The following GLRA2 variants were observed in gnomAD, a reference collection of about 807,000 sequenced individuals.
GLRA2 encodes the protein glycine receptor alpha 2, also known as glycine receptor subunit alpha-2.
Under a neutral mutation model 31.6 loss-of-function variants are expected in GLRA2, and 11 were observed. The ratio of observed to expected loss-of-function variants is 0.35; its 90% CI spans 0.22 to 0.58. The LOEUF (loss-of-function observed/expected upper bound fraction) is 0.58. Ranked by LOEUF, GLRA2 falls within the 20% of genes least tolerant of loss-of-function variation. The pLI is 0.84. For synonymous variants in GLRA2, 132 were observed against 134.0 expected (o/e 0.99, Z 0.10); for missense variants, 212 against 351.8 (o/e 0.60, Z 3.18).
chrX:14,457,049 A>G, the GLRA2 span, among the ~76,000 whole-genome samples: 8 of 111,654 alleles, frequency 7.2e-5, no homozygotes, highest in African/African-American at 9.8e-5. Context: ...GATATTAGCC[A>G]TCCTAACTGG....
chrX:14,550,719 T>TA (rs910182218), intron 2 of GLRA2, among the ~76,000 whole-genome samples: 4 of 111,785 alleles, frequency 3.6e-5, no homozygotes, highest in African/African-American at 9.7e-5. Context: ...CAGACTTTTC[T>TA]AAAAAAAATT....
intron 8 of GLRA2, among the ~76,000 whole-genome samples, chrX:14,706,159 T>G (rs2091618100): frequency 1.1e-5 from 1 of 89,349 alleles, no homozygotes; most frequent in Non-Finnish European, 2.4e-5. Flanking sequence ...AAGCCAAGTT[T>G]GAGAACCTTG....
intron 8 of GLRA2, among the ~76,000 whole-genome samples, chrX:14,708,609 T>A (rs936205390): frequency 9.0e-6 from 1 of 111,584 alleles, no homozygotes; most frequent in Non-Finnish European, 1.9e-5. Context: ...GGACACAACA[T>A]CTGCCCAATT....
At chrX:14,571,293 A>C (rs1260428795) in intron 2 of GLRA2, among the ~76,000 whole-genome samples, 1 of 112,070 alleles carries the variant, frequency 8.9e-6, no homozygotes, top group Non-Finnish European at 1.9e-5. Context: ...CACATCTAAG[A>C]ACATGTCCCT....
chrX:14,511,795 A>T, the GLRA2 span, among the ~76,000 whole-genome samples: 27 of 111,737 alleles, frequency 2.4e-4, no homozygotes, highest in African/African-American at 8.1e-4. Flanking sequence ...GGAGTCTTTG[A>T]AGTTTATATA....
intron 2 of GLRA2, among the ~76,000 whole-genome samples, chrX:14,561,335 T>A (rs896646332): frequency 7.1e-5 from 8 of 112,644 alleles, no homozygotes; most frequent in Non-Finnish European, 1.3e-4. Context: ...ATGGAATTTA[T>A]AATAATTCCT....
chrX:14,723,376 C>T (rs972043556), intron 8 of GLRA2, among the ~76,000 whole-genome samples: 2 of 112,075 alleles, frequency 1.8e-5, no homozygotes, highest in African/African-American at 6.5e-5. Flanking sequence ...TATACCACCA[C>T]CCATTAAATC....
At chrX:14,471,077 A>C in the GLRA2 span, among the ~76,000 whole-genome samples, 2 of 111,658 alleles carry the variant, frequency 1.8e-5, no homozygotes, top group African/African-American at 6.5e-5. Context: ...GACCCCCCCA[A>C]ATGGCTTAAG....
upstream of GLRA2, among the ~76,000 whole-genome samples, chrX:14,526,117 T>C (rs1451312670): frequency 2.7e-5 from 3 of 112,075 alleles, no homozygotes; most frequent in Non-Finnish European, 5.6e-5. Context: ...AGGAAAGGCC[T>C]TCCAGAGATT....
upstream of GLRA2, among the ~76,000 whole-genome samples, chrX:14,527,466 T>C (rs1421124301): frequency 1.8e-5 from 2 of 110,425 alleles, no homozygotes; most frequent in Non-Finnish European, 3.8e-5. Context: ...AATACAAAAA[T>C]TAGCTGGGTA....
Position 14,670,494 on chromosome X carries a change from G to A in GLRA2, c.931-20216G>A, listed in dbSNP as rs1207654345. Among the ~76,000 whole-genome samples, 19 of 112,016 alleles carry A rather than the reference G, an allele frequency of 1.7e-4. No homozygotes were observed. The Admixed American group carries it at 1.8e-3, about 11-fold the overall frequency. On this transcript the variant is annotated intron_variant, in intron 7 of 8. Coordinates refer to ENST00000218075, the MANE Select transcript of GLRA2 (RefSeq NM_002063.4). ...AAGAAAGAGGTTTAATGGACTTATA[G>A]TCCCACGTGGCTGGGGAGGCCTCAC...
the GLRA2 span, among the ~76,000 whole-genome samples, chrX:14,516,772 C>G: frequency 1.8e-5 from 2 of 111,498 alleles, no homozygotes; most frequent in Non-Finnish European, 3.8e-5. Context: ...ATAAGGAGCC[C>G]AACCTCCAGA....
chrX:14,607,965 G>T (rs1318200433), intron 6 of GLRA2, among the ~76,000 whole-genome samples: 1 of 111,185 alleles, frequency 9.0e-6, no homozygotes, highest in African/African-American at 3.3e-5. Context: ...AAACCATGGT[G>T]TTCATTCAAT....
chrX:14,717,754 A>C (rs2091811140), intron 8 of GLRA2, among the ~76,000 whole-genome samples: 1 of 110,024 alleles, frequency 9.1e-6, no homozygotes, highest in Non-Finnish European at 1.9e-5. Context: ...AAAAAAAAAA[A>C]AAACCCATCG....
At chrX:14,495,438 C>T in the GLRA2 span, among the ~76,000 whole-genome samples, 16 of 109,815 alleles carry the variant, frequency 1.5e-4, no homozygotes, top group East Asian at 4.3e-3. Flanking sequence ...TCTACTCTAC[C>T]ATCTAGAAAA....
chrX:14,585,510 T>C (rs1471641127), intron 4 of GLRA2, among the ~76,000 whole-genome samples: 1 of 111,837 alleles, frequency 8.9e-6, no homozygotes, highest in Non-Finnish European at 1.9e-5. Context: ...TAACTAATGC[T>C]AATATATGCC....
At chrX:14,461,854 G>A in the GLRA2 span, among the ~76,000 whole-genome samples, 3 of 111,929 alleles carry the variant, frequency 2.7e-5, no homozygotes, top group Non-Finnish European at 5.6e-5. Flanking sequence ...TTACATTTAA[G>A]GTTAAAATTG....
At chrX:14,681,910 A>AATATATATATAT (rs1556060452) in intron 7 of GLRA2, among the ~76,000 whole-genome samples, 7 of 41,275 alleles carry the variant, frequency 1.7e-4, no homozygotes, top group African/African-American at 6.1e-4. Context: ...AAAAAAAAAA[A>AATATATATATAT]ATATATATAT....
At chrX:14,610,949 AAG>A (rs1323895747) in intron 7 of GLRA2, among the ~76,000 whole-genome samples, 1 of 112,296 alleles carries the variant, frequency 8.9e-6, no homozygotes, top group Non-Finnish European at 1.9e-5. Context: ...GATAAACCAA[AAG>A]AGAGTAAAAT....
Sources: allele counts gnomAD v4.1 joint callset (sites outside exome capture counted in the v4.1 genomes callset), GRCh38; gene constraint gnomAD v4.1.1; transcripts MANE v1.5; gene names NCBI Gene and HGNC (gene_info 2026-07-23, HGNC 2026-07-21).